RFTN2: variants seen among roughly 807,000 people sequenced by gnomAD.
RFTN2 encodes raftlin-2.
Under a neutral mutation model 52.7 loss-of-function variants are expected in RFTN2, and 34 were observed. That is an observed-to-expected ratio of 0.64 (90% confidence interval 0.49 to 0.86). The LOEUF (loss-of-function observed/expected upper bound fraction) is 0.86. Ranked by LOEUF, RFTN2 falls within the 40% of genes least tolerant of loss-of-function variation. The probability of loss-of-function intolerance (pLI) is 0.00; values close to 1 mark genes in which losing one functional copy is unlikely to be tolerated. For missense variants in RFTN2, 536 were observed against 600.1 expected (o/e 0.89, Z 1.12); for synonymous variants, 203 against 217.7 (o/e 0.93, Z 0.59).
chr2:197,617,426 G>A (rs2088163148), intron 6 of RFTN2, among the ~76,000 whole-genome samples: 2 of 152,146 alleles, frequency 1.3e-5, no homozygotes, highest in African/African-American at 4.8e-5. Flanking sequence ...ATGTGTTTAA[G>A]GATACTGCAT....
chr2:197,592,114 A>G (rs1013333959), intron 8 of RFTN2, among the ~76,000 whole-genome samples: 1 of 152,142 alleles, frequency 6.6e-6, no homozygotes, highest in African/African-American at 2.4e-5. Context: ...GCACTCTGTC[A>G]CCTCTCAATA....
rs2087276305 is a variant in RFTN2, at chr2:197,569,057, T to G, written c.*2951A>C. On this transcript the variant is annotated 3_prime_UTR_variant, in exon 9 of 9. Transcript: ENST00000295049. ...TTGTAATGACACTGATAGAGCTGAT[T>G]TCCCTGGTGATTAGGTAGGTGTTAA... 6.6e-6 allele frequency: 1 copy of G among 152,226 alleles called. No homozygotes were observed. Among genetic ancestry groups the G allele is most frequent in the African/African-American group, 2.4e-5 (1 of 41,442 alleles). The allele number at this position is 152,226 out of a possible 1,614,324, so 9.4% of individuals were successfully genotyped here.
At chr2:197,627,891 G>A (rs868254077) in intron 5 of RFTN2, among the ~76,000 whole-genome samples, 4 of 22,068 alleles carry the variant, frequency 1.8e-4, no homozygotes, top group South Asian at 1.0e-3. Context: ...CCGCCCCCCC[G>A]TGTTTCTGGA....
At chr2:197,628,472 T>TA (rs1437513198) in intron 5 of RFTN2, among the ~76,000 whole-genome samples, 4 of 152,212 alleles carry the variant, frequency 2.6e-5, no homozygotes, top group Non-Finnish European at 5.9e-5. Flanking sequence ...TGGCTAATTT[T>TA]ATTTTCATCA....
rs1297769738 is a variant in RFTN2, at chr2:197,621,389, T to C, written c.929-3468A>G. ...TTATTGTGCTTTGCTTTACTGTGTT[T>C]TGCAGATACCGGTTTTTTTTTTTTT... On this transcript the variant is annotated intron_variant, in intron 5 of 8. Transcript: ENST00000295049. Among the ~76,000 whole-genome samples the C allele has an allele frequency of 2.1e-5, 3 of 146,044 alleles. No individual in the cohort carries two copies. The East Asian group carries it at 5.9e-4, about 29-fold the overall frequency.
At chr2:197,662,598 T>C (rs1307945695) in intron 1 of RFTN2, among the ~76,000 whole-genome samples, 3 of 152,102 alleles carry the variant, frequency 2.0e-5, no homozygotes, top group Non-Finnish European at 4.4e-5. Context: ...TCTTTTGTGG[T>C]TCCATAAAAA....
intron 3 of RFTN2, among the ~76,000 whole-genome samples, chr2:197,636,548 G>A (rs1473499732): frequency 3.2e-4 from 14 of 43,778 alleles, no homozygotes; most frequent in South Asian, 8.5e-4. Flanking sequence ...TTTGTCTGTT[G>A]TTGGTGTATA....
intron 5 of RFTN2, among the ~76,000 whole-genome samples, chr2:197,626,562 C>CAAAT (rs138860159): frequency 0.015 from 1,884 of 124,022 alleles, 53 homozygotes; most frequent in African/African-American, 0.052. Flanking sequence ...ACCCCATCTA[C>CAAAT]AAATAAATAA....
intron 8 of RFTN2, among the ~76,000 whole-genome samples, chr2:197,590,083 T>G (rs1405064915): frequency 6.6e-6 from 1 of 151,602 alleles, no homozygotes; most frequent in Non-Finnish European, 1.5e-5. Context: ...AATTTTTGTA[T>G]TTTTTGCAGA....
chr2:197,644,106 G>T, intron 3 of RFTN2, 52 bp downstream of exon 3: 1 of 1,024,178 alleles, frequency 9.8e-7, no homozygotes, highest in Non-Finnish European at 1.6e-6. Context: ...TGATGAAGAT[G>T]AAATACCAAA....
At chr2:197,633,338 A>G (rs1040885951) in intron 4 of RFTN2, among the ~76,000 whole-genome samples, 1 of 152,232 alleles carries the variant, frequency 6.6e-6, no homozygotes, top group Non-Finnish European at 1.5e-5. Flanking sequence ...AAAGGCCAAA[A>G]TGAAAATTCT....
intron 5 of RFTN2, among the ~76,000 whole-genome samples, chr2:197,619,740 T>TA (rs201532331): frequency 0.31 from 39,364 of 126,190 alleles, 6,077 homozygotes; most frequent in Middle Eastern, 0.46. Context: ...AATGATCAAT[T>TA]AAAAAAAAAA....
chr2:197,620,704 C>T (rs1391777756), intron 5 of RFTN2, among the ~76,000 whole-genome samples: 6 of 152,182 alleles, frequency 3.9e-5, no homozygotes, highest in Admixed American at 2.0e-4. Context: ...CAGTGGCTCA[C>T]GCCTGTAATC....
chr2:197,669,226 T>G (rs2089108161), intron 1 of RFTN2, among the ~76,000 whole-genome samples: 1 of 152,190 alleles, frequency 6.6e-6, no homozygotes, highest in Admixed American at 6.5e-5. Flanking sequence ...AGTCTTATGT[T>G]TCACTGCTAT....
At position 197,569,468 on chromosome 2, in the gene RFTN2, A is replaced by G. The variant is rs573661984; in HGVS notation, c.*2540T>C. On this transcript the variant is annotated 3_prime_UTR_variant, in exon 9 of 9. Coordinates refer to ENST00000295049, the MANE Select transcript of RFTN2 (RefSeq NM_144629.3). Reference sequence around the variant, plus strand: ...AAATTATTCGCTATCATACAAATTCATCACATAACTTAAGGGTAATTGTTG... The same window carrying G: ...AAATTATTCGCTATCATACAAATTCGTCACATAACTTAAGGGTAATTGTTG... 6.6e-6 allele frequency: 1 copy of G among 152,348 alleles called. No individual in the cohort carries two copies. The highest frequency in any genetic ancestry group is 1.5e-5 in the Non-Finnish European group (1 of 68,038). The allele number at this position is 152,348 out of a possible 1,614,324, so 9.4% of individuals were successfully genotyped here. A position where few individuals can be genotyped will look rare whatever the true frequency, so the allele number is the denominator to read the frequency against.
chr2:197,669,553 G>A (rs936295738), intron 1 of RFTN2, among the ~76,000 whole-genome samples: 3 of 152,214 alleles, frequency 2.0e-5, no homozygotes, highest in Middle Eastern at 3.4e-3. Context: ...GGGAGTGGAC[G>A]GTTTGAGATG....
At chr2:197,659,652 T>C (rs1171015088) in intron 1 of RFTN2, among the ~76,000 whole-genome samples, 1 of 151,924 alleles carries the variant, frequency 6.6e-6, no homozygotes, top group Non-Finnish European at 1.5e-5. Context: ...ACCCTGTTTT[T>C]GCTAAACATA....
intron 8 of RFTN2, among the ~76,000 whole-genome samples, chr2:197,581,562 T>C (rs907562783): frequency 2.6e-5 from 4 of 152,162 alleles, no homozygotes; most frequent in African/African-American, 9.7e-5. Context: ...ATTCAATATA[T>C]CGATGACCTT....
intron 3 of RFTN2, among the ~76,000 whole-genome samples, chr2:197,636,253 T>G (rs1053956963): frequency 2.3e-4 from 34 of 146,764 alleles, no homozygotes; most frequent in African/African-American, 8.1e-4. Flanking sequence ...AACTTTAAAG[T>G]AGTTTTTTCC....
Sources: allele counts gnomAD v4.1 joint callset (sites outside exome capture counted in the v4.1 genomes callset), GRCh38; gene constraint gnomAD v4.1.1; transcripts MANE v1.5; gene names NCBI Gene and HGNC (gene_info 2026-07-23, HGNC 2026-07-21).